NAALADL2: variants seen among roughly 807,000 people sequenced by gnomAD.
NAALADL2 encodes the protein inactive N-acetylated-alpha-linked acidic dipeptidase-like protein 2.
In NAALADL2, 76 loss-of-function variants were observed where a neutral mutation model predicts 87.2. The ratio of observed to expected loss-of-function variants is 0.87; its 90% confidence interval spans 0.72 to 1.05. The LOEUF (loss-of-function observed/expected upper bound fraction) is 1.05. Ranked by LOEUF, NAALADL2 falls within the 50% of genes least tolerant of loss-of-function variation. NAALADL2 has a pLI of 0.00. For missense variants in NAALADL2, 1,089 were observed against 945.8 expected (o/e 1.15, Z -1.99); for synonymous variants, 354 against 331.0 (o/e 1.07, Z -0.75).
chr3:175,201,357 A>C (rs1739996588), intron 2 of NAALADL2, among the ~76,000 whole-genome samples: 2 of 152,160 alleles, frequency 1.3e-5, no homozygotes, highest in African/African-American at 4.8e-5. Flanking sequence ...TCCCACCCCC[A>C]TCAGTAGCTA....
rs953799456 is a variant in NAALADL2 at position 175,339,237 on chromosome 3, T to C, written c.1090+14912T>C. Among the ~76,000 whole-genome samples, 4 of 152,310 alleles carry C rather than the reference T, an allele frequency of 2.6e-5. No individual in the cohort carries two copies. The East Asian group carries it at 5.8e-4, about 22-fold the overall frequency. On this transcript the variant is annotated intron_variant, in intron 5 of 13. Transcript: ENST00000454872. ...CGAAAGATAGAGAGCCTGTGTGAAA[T>C]AAGTAGGTTGGACAGGAGGATCCTG...
intron 1 of NAALADL2, among the ~76,000 whole-genome samples, chr3:174,865,145 C>T (rs1579261540): frequency 1.3e-5 from 2 of 151,990 alleles, no homozygotes; most frequent in South Asian, 2.1e-4. Flanking sequence ...TTACCTGCCT[C>T]TTTAAACCCC....
At chr3:175,371,236 A>G (rs1370869874) in intron 5 of NAALADL2, among the ~76,000 whole-genome samples, 4 of 152,048 alleles carry the variant, frequency 2.6e-5, no homozygotes, top group Admixed American at 6.6e-5. Flanking sequence ...AATTATGAAG[A>G]GACTATCAAC....
At chr3:174,735,618 G>C (rs1733117991) in intron 2 of NAALADL2, among the ~76,000 whole-genome samples, 1 of 152,044 alleles carries the variant, frequency 6.6e-6, no homozygotes, top group Non-Finnish European at 1.5e-5. Context: ...GGTGTGCAGT[G>C]GTGCAATCAC....
chr3:175,500,555 A>G (rs1387544446), intron 9 of NAALADL2, among the ~76,000 whole-genome samples: 1 of 152,062 alleles, frequency 6.6e-6, no homozygotes, highest in East Asian at 1.9e-4. Flanking sequence ...GTTACACACA[A>G]GGGCTACAAA....
chr3:175,098,286 CCTTAT>C (rs1721496358), intron 2 of NAALADL2, among the ~76,000 whole-genome samples: 1 of 152,012 alleles, frequency 6.6e-6, no homozygotes, highest in African/African-American at 2.4e-5. Context: ...TATGCTGTTA[CCTTAT>C]AATGAATGAT....
intron 5 of NAALADL2, among the ~76,000 whole-genome samples, chr3:175,336,952 G>A (rs1027822512): frequency 7.2e-5 from 11 of 152,162 alleles, no homozygotes; most frequent in African/African-American, 1.4e-4. Context: ...ATACAGATAC[G>A]CACATTTTCA....
rs1582463993 is a variant in NAALADL2, at chr3:175,574,966, A to T, written c.1654-1075A>T. Among the ~76,000 whole-genome samples, 8 of 152,282 alleles carry T rather than the reference A, an allele frequency of 5.3e-5. No homozygotes were observed. In the South Asian group the frequency reaches 1.7e-3, roughly 32 times the overall value. The stretch of plus-strand genomic sequence containing the variant: ...GCTATTCTTCCACGTTTCATAGTTG[A>T]TGCCATTGCATCTCAGAAATGTTCT... On this transcript the variant is annotated intron_variant, in intron 9 of 13. Transcript: ENST00000454872.
intron 13 of NAALADL2, among the ~76,000 whole-genome samples, chr3:175,762,806 C>T (rs1748194393): frequency 6.6e-6 from 1 of 152,108 alleles, no homozygotes; most frequent in African/African-American, 2.4e-5. Context: ...TAAATAAGGG[C>T]CAGGCGCAGT....
At chr3:174,838,021 G>GAAAAAAAAAAAAAAAAAAAAAA (rs77681462) in intron 3 of NAALADL2, among the ~76,000 whole-genome samples, 1 of 71,942 alleles carries the variant, frequency 1.4e-5, no homozygotes, top group Non-Finnish European at 2.8e-5. Flanking sequence ...AACCAAAAAA[G>GAAAAAAAAAAAAAAAAAAAAAA]AAAAAAAAAA....
intron 11 of NAALADL2, among the ~76,000 whole-genome samples, chr3:175,725,296 A>G (rs1742775738): frequency 6.6e-6 from 1 of 152,118 alleles, no homozygotes; most frequent in Non-Finnish European, 1.5e-5. Flanking sequence ...ATCATTTAAT[A>G]AACATAAAAT....
intron 11 of NAALADL2, among the ~76,000 whole-genome samples, chr3:175,663,649 G>T (rs1240001984): frequency 6.6e-6 from 1 of 151,672 alleles, no homozygotes; most frequent in Non-Finnish European, 1.5e-5. Context: ...AGTAAAATAT[G>T]TCTTTATAAA....
At chr3:175,679,548 C>T (rs1735308564) in intron 11 of NAALADL2, among the ~76,000 whole-genome samples, 1 of 152,110 alleles carries the variant, frequency 6.6e-6, no homozygotes, top group African/African-American at 2.4e-5. Context: ...TATGGAATTA[C>T]TTGTGAATTG....
chr3:174,876,956 G>T (rs1728585133), intron 1 of NAALADL2, among the ~76,000 whole-genome samples: 1 of 152,112 alleles, frequency 6.6e-6, no homozygotes, highest in South Asian at 2.1e-4. Flanking sequence ...GCTTGCAGAT[G>T]GCCAACTTCT....
At chr3:174,741,323 C>A (rs1214472453) in intron 3 of NAALADL2, among the ~76,000 whole-genome samples, 1 of 151,580 alleles carries the variant, frequency 6.6e-6, no homozygotes, top group Admixed American at 6.6e-5. Context: ...TAGGAAGACT[C>A]AGTCTATTTG....
chr3:175,441,693 A>G (rs1719796224), intron 5 of NAALADL2, among the ~76,000 whole-genome samples: 1 of 151,846 alleles, frequency 6.6e-6, no homozygotes, highest in South Asian at 2.1e-4. Context: ...ACACACACAC[A>G]CACACACACA....
intron 2 of NAALADL2, among the ~76,000 whole-genome samples, chr3:175,119,730 AATAG>A (rs985838846): frequency 2.2e-3 from 179 of 80,382 alleles, no homozygotes; most frequent in African/African-American, 8.4e-3. Context: ...GTAAAATAAG[AATAG>A]ATATATACTT....
At chr3:174,985,895 T>C (rs923902451) in intron 1 of NAALADL2, among the ~76,000 whole-genome samples, 2 of 151,940 alleles carry the variant, frequency 1.3e-5, no homozygotes, top group African/African-American at 4.8e-5. Flanking sequence ...GAGGTTGTGA[T>C]GAGCTGAGAT....
chr3:175,322,930 C>T (rs1293563527), intron 4 of NAALADL2, among the ~76,000 whole-genome samples: 6 of 151,580 alleles, frequency 4.0e-5, no homozygotes, highest in East Asian at 3.9e-4. Context: ...GTCAGTGTGG[C>T]GATTCCTCGG....
Sources: gnomAD v4.1 joint callset for allele counts (sites outside exome capture counted in the v4.1 genomes callset) on GRCh38, gnomAD v4.1.1 for gene constraint, MANE v1.5 for transcripts, NCBI Gene and HGNC (gene_info 2026-07-23, HGNC 2026-07-21) for gene names.